The following TTC27 variants were observed in gnomAD, a reference collection of about 807,000 sequenced individuals.
The protein encoded by TTC27 is tetratricopeptide repeat protein 27.
Under a neutral mutation model 115.9 loss-of-function variants are expected in TTC27, and 79 were observed. The ratio of observed to expected loss-of-function variants is 0.68; its 90% CI spans 0.57 to 0.82. The LOEUF is 0.82. Among genes scored for constraint, TTC27 ranks in the 40% least tolerant of loss-of-function variants. TTC27 has a pLI of 0.00. For missense variants in TTC27, 1,054 were observed against 993.1 expected (o/e 1.06, Z -0.82); for synonymous variants, 401 against 356.0 (o/e 1.13, Z -1.42).
intron 9 of TTC27, among the ~76,000 whole-genome samples, chr2:32,683,275 C>T (rs1666506438): frequency 6.6e-6 from 1 of 152,068 alleles, no homozygotes; most frequent in Non-Finnish European, 1.5e-5. Flanking sequence ...AGGGGTGAGC[C>T]ACCGCGCCCG....
chr2:32,649,050 C>A (rs1664979531), intron 4 of TTC27, among the ~76,000 whole-genome samples: 1 of 151,972 alleles, frequency 6.6e-6, no homozygotes, highest in South Asian at 2.1e-4. Flanking sequence ...GCAGTTTCTG[C>A]CCTCAGAAAT....
At chr2:32,766,464 T>G in intron 13 of TTC27, 1 of 452,140 alleles carries the variant, frequency 2.2e-6, no homozygotes, top group South Asian at 1.6e-5. Context: ...TTGTTGTGTC[T>G]TAGGGAAGCG....
chr2:32,794,406 A>G (rs1670633156), intron 16 of TTC27, among the ~76,000 whole-genome samples: 1 of 152,222 alleles, frequency 6.6e-6, no homozygotes, highest in South Asian at 2.1e-4. Flanking sequence ...ATGAATGAAA[A>G]TGAAAATACA....
At chr2:32,730,288 G>C (rs1408489938) in intron 10 of TTC27, among the ~76,000 whole-genome samples, 1 of 152,108 alleles carries the variant, frequency 6.6e-6, no homozygotes, top group Admixed American at 6.6e-5. Context: ...GAAAACACAA[G>C]TATTGTTCAA....
In TTC27 at chr2:32,758,531, C is replaced by G. The variant is rs1260752151; in HGVS notation, c.1680+12C>G. 6.2e-7 allele frequency: 1 copy of G among 1,609,998 alleles called. No individual in the cohort carries two copies. Among genetic ancestry groups the G allele is most frequent in the South Asian group, 1.1e-5 (1 of 90,940 alleles). On this transcript the variant is annotated intron_variant, in intron 13 of 19. Transcript: ENST00000317907. ...TTAATCCCATGCAGGTTAGACAACT[C>G]ATAACCCCCTGCTGCTCTCAGCGCT...
At position 32,719,099 on chromosome 2, in the gene TTC27, C is replaced by T. The variant is rs565367592; in HGVS notation, c.1234-14729C>T. 3.1e-4 allele frequency among the ~76,000 whole-genome samples: 47 copies of T among 152,268 alleles called. 1 individual carries two copies. The South Asian group carries it at 8.5e-3, about 28-fold the overall frequency. On this transcript the variant is annotated intron_variant, in intron 10 of 19. Transcript: ENST00000317907. ...GATAGAGACCCAGTGAGGAGAACCT[C>T]CTCTCAGTATGGTGTCTGAAGCATT...
intron 17 of TTC27, among the ~76,000 whole-genome samples, chr2:32,811,621 A>G (rs1290242621): frequency 2.0e-5 from 3 of 152,204 alleles, no homozygotes; most frequent in Non-Finnish European, 4.4e-5. Flanking sequence ...TTAGGAAAAG[A>G]AAAGAGAAAA....
Position 32,821,030 on chromosome 2 carries a change from A to G in TTC27, c.*92A>G. 1 of 1,222,338 alleles carries G rather than the reference A, an allele frequency of 8.2e-7. No individual in the cohort carries two copies. The highest frequency in any genetic ancestry group is 2.8e-5 in the South Asian group (1 of 35,518). The allele number at this position is 1,222,338 out of a possible 1,614,324, so 75.7% of individuals were successfully genotyped here. A position where few individuals can be genotyped will look rare whatever the true frequency, so the allele number is the denominator to read the frequency against. Reference sequence around the variant, plus strand: ...GAAATGCAAGATATTGATTTTTAAAATAAATTTGTTTTATGACTTAACATT... The same window carrying G: ...GAAATGCAAGATATTGATTTTTAAAGTAAATTTGTTTTATGACTTAACATT... On this transcript the variant is annotated 3_prime_UTR_variant, in exon 20 of 20. Transcript: ENST00000317907.
At chr2:32,796,443 A>G (rs1020138722) in intron 16 of TTC27, among the ~76,000 whole-genome samples, 4 of 152,200 alleles carry the variant, frequency 2.6e-5, no homozygotes, top group African/African-American at 9.6e-5. Context: ...AAATTACTGA[A>G]ATCAGAAATG....
At chr2:32,801,838 C>T (rs72862739) in intron 16 of TTC27, among the ~76,000 whole-genome samples, 2,119 of 152,052 alleles carry the variant, frequency 0.014, 42 homozygotes, top group African/African-American at 0.045. Flanking sequence ...CTGGAAGTGA[C>T]GAAAGAGCTG....
chr2:32,805,059 A>T (rs923719923), intron 16 of TTC27, among the ~76,000 whole-genome samples: 19 of 152,306 alleles, frequency 1.2e-4, no homozygotes, highest in African/African-American at 4.6e-4. Context: ...AGGAGAGGGG[A>T]GCTGTGCTTT....
rs183511062 is a variant in TTC27, at chr2:32,699,661, A to C, written c.1120-3146A>C. Among the ~76,000 whole-genome samples, 587 of 152,338 alleles carry C rather than the reference A, an allele frequency of 3.9e-3. 3 individuals carry two copies. Among genetic ancestry groups the C allele is most frequent in the Non-Finnish European group, 6.1e-3 (418 of 68,028 alleles). ...ATCATGGGCAGCAGTGTTTTATAAA[A>C]TATATTGAATATAGCCTATGTGCAA... On this transcript the variant is annotated intron_variant, in intron 9 of 19. Transcript: ENST00000317907.
chr2:32,790,268 A>G (rs928484866), intron 16 of TTC27, among the ~76,000 whole-genome samples: 25 of 151,822 alleles, frequency 1.6e-4, no homozygotes, highest in African/African-American at 5.8e-4. Flanking sequence ...TATTGCCATT[A>G]AATTTTTTTT....
intron 4 of TTC27, among the ~76,000 whole-genome samples, chr2:32,644,018 T>C (rs1335251103): frequency 1.3e-5 from 2 of 151,618 alleles, no homozygotes; most frequent in Non-Finnish European, 2.9e-5. Flanking sequence ...CCGTTTCTAT[T>C]AAAAATACAA....
At chr2:32,668,995 C>A (rs1317580370) in intron 7 of TTC27, among the ~76,000 whole-genome samples, 2 of 151,856 alleles carry the variant, frequency 1.3e-5, no homozygotes, top group Non-Finnish European at 2.9e-5. Flanking sequence ...AGGAGAATGG[C>A]GTGAACCCGG....
At chr2:32,781,686 T>C (rs1189025550) in intron 14 of TTC27, among the ~76,000 whole-genome samples, 1 of 152,152 alleles carries the variant, frequency 6.6e-6, no homozygotes, top group East Asian at 1.9e-4. Flanking sequence ...CCTCAAGTGA[T>C]CCTCCCATCT....
chr2:32,667,373 T>C (rs1665820814), intron 7 of TTC27, among the ~76,000 whole-genome samples: 1 of 151,860 alleles, frequency 6.6e-6, no homozygotes, highest in Non-Finnish European at 1.5e-5. Context: ...AGCCGTTTAG[T>C]ATTTATGCAT....
chr2:32,746,192 TG>T (rs1358651892), intron 12 of TTC27, among the ~76,000 whole-genome samples: 2 of 152,172 alleles, frequency 1.3e-5, no homozygotes, highest in African/African-American at 2.4e-5. Context: ...CATTTAAATA[TG>T]TTTTTTTTGT....
At chr2:32,783,821 C>T (rs1020549423) in intron 15 of TTC27, among the ~76,000 whole-genome samples, 3 of 152,102 alleles carry the variant, frequency 2.0e-5, no homozygotes, top group Non-Finnish European at 4.4e-5. Context: ...CTGCTGTTGC[C>T]AGAACTCTAA....
Sources: gnomAD v4.1 joint callset for allele counts (sites outside exome capture counted in the v4.1 genomes callset) on GRCh38, gnomAD v4.1.1 for gene constraint, MANE v1.5 for transcripts, NCBI Gene and HGNC (gene_info 2026-07-23, HGNC 2026-07-21) for gene names.